RECK: variants seen among roughly 807,000 people sequenced by gnomAD.
RECK encodes reversion-inducing cysteine-rich protein with Kazal motifs.
A neutral mutation model predicts 115.1 loss-of-function variants in RECK; 69 were observed. The observed-to-expected ratio is 0.60, with a 90% CI of 0.49 to 0.73. The LOEUF is 0.73. Ranked by LOEUF, RECK falls within the 30% of genes least tolerant of loss-of-function variation. The pLI, the probability that RECK is intolerant of heterozygous loss-of-function variation, is 0.00. For synonymous variants in RECK, 414 were observed against 419.7 expected (o/e 0.99, Z 0.17); for missense variants, 1,047 against 1,203.7 (o/e 0.87, Z 1.93).
chr9:36,102,997 A>G (rs1439289004), intron 12 of RECK, among the ~76,000 whole-genome samples: 2 of 152,114 alleles, frequency 1.3e-5, no homozygotes, highest in African/African-American at 4.8e-5. Context: ...ATATGTAAAA[A>G]TGGAACTTAT....
At chr9:36,063,696 C>A in intron 4 of RECK, 99 bp from the exon 5 acceptor site, 2 of 1,075,210 alleles carry the variant, frequency 1.9e-6, no homozygotes, top group Non-Finnish European at 1.4e-6. Flanking sequence ...TTCTTATGGA[C>A]AGCTGCTTTG....
intron 2 of RECK, chr9:36,057,134 A>G (rs890369023): frequency 2.8e-5 from 9 of 326,672 alleles, no homozygotes; most frequent in Non-Finnish European, 3.9e-5. Context: ...AACCTTTGTC[A>G]GCTCATCAGC....
chr9:36,093,288 T>C (rs1306307495), intron 10 of RECK, among the ~76,000 whole-genome samples: 7 of 152,114 alleles, frequency 4.6e-5, no homozygotes, highest in Admixed American at 4.6e-4. Flanking sequence ...ATAATGTCCA[T>C]TATACAATCA....
chr9:36,091,040 G>GT (rs1554707709), intron 9 of RECK, 124 bp from the exon 10 acceptor site: 4 of 783,596 alleles, frequency 5.1e-6, no homozygotes, highest in South Asian at 5.0e-5. Flanking sequence ...TAGTCATTTG[G>GT]TTTTTTTACT....
chr9:36,088,516 A>G (rs1823047520), intron 9 of RECK, among the ~76,000 whole-genome samples: 1 of 152,250 alleles, frequency 6.6e-6, no homozygotes, highest in East Asian at 1.9e-4. Flanking sequence ...ATGGTAGAAC[A>G]CAGGTACAAT....
intron 6 of RECK, among the ~76,000 whole-genome samples, chr9:36,073,397 C>T (rs1235850619): frequency 1.3e-5 from 2 of 152,072 alleles, no homozygotes; most frequent in Non-Finnish European, 2.9e-5. Context: ...TTTCCTCTTT[C>T]TCATCACCTC....
Position 36,121,546 on chromosome 9 carries a change from A to C in RECK, c.2552A>C (p.Lys851Thr). The stretch of plus-strand genomic sequence containing the variant: ...TTCTCTTTCCAGGTAACAAATAAAA[A>C]GCCAATAACAGTTCTGGAAATACTT... ...LDTIAKVTNKKPITVLEILQK... is the reference protein window; with the variant it reads ...LDTIAKVTNKTPITVLEILQK... Residue 851 changes from lysine to threonine, a missense_variant, in exon 20 of 21, where the codon AAG (lysine) becomes ACG (threonine). Transcript: ENST00000377966. 6.2e-7 allele frequency: 1 copy of C among 1,612,936 alleles called. No homozygotes were observed. Among genetic ancestry groups the C allele is most frequent in the South Asian group, 1.1e-5 (1 of 90,814 alleles).
At chr9:36,073,221 GACACACACAGACACACACAGACACACAC>G (rs1822305223) in intron 6 of RECK, among the ~76,000 whole-genome samples, 1 of 134,170 alleles carries the variant, frequency 7.5e-6, no homozygotes, top group East Asian at 2.3e-4. Context: ...GCAACACACA[GACACACACAGACACACACAGACACACAC>G]ACACACACAC....
chr9:36,118,956 T>A lies in RECK; in HGVS notation c.2453T>A (p.Ile818Asn). The A allele has an allele frequency of 6.2e-7, 1 of 1,612,362 alleles. No individual in the cohort carries two copies. Among genetic ancestry groups the A allele is most frequent in the African/African-American group, 1.3e-5 (1 of 74,988 alleles). The change falls in exon 18 of 21, where the codon ATC (isoleucine) becomes AAC (asparagine). Residue 818 changes from isoleucine to asparagine, a missense_variant. By Grantham distance (149) the Ile-to-Asn change is moderately radical. Coordinates refer to ENST00000377966, the MANE Select transcript of RECK (RefSeq NM_021111.3). ...PSLLAAGCKPIIPPGACCPLC... is the reference protein window; with the variant it reads ...PSLLAAGCKPNIPPGACCPLC... ...CTCTTGGCAGCTGGATGCAAACCCA[T>A]CATCCCACCGGGTAGGCTGGCAGTA...
At chr9:36,111,165 G>A (rs1191631092) in intron 15 of RECK, among the ~76,000 whole-genome samples, 1 of 152,202 alleles carries the variant, frequency 6.6e-6, no homozygotes, top group Non-Finnish European at 1.5e-5. Context: ...TTCCTATAGT[G>A]TGTGGCCCCT....
rs56726335 is a variant in RECK at position 36,048,126 on chromosome 9, AATATATATATATATATATAT to A, written c.101-4124_101-4105del. The stretch of plus-strand genomic sequence containing the variant: ...TACACACGCACAGACACACAGGTTG[AATATATATATATATATATAT>A]ATATATATATATATGTAAAAACAGG... On this transcript the variant is annotated intron_variant, in intron 1 of 20. Transcript: ENST00000377966. 6.2e-4 allele frequency among the ~76,000 whole-genome samples: 72 copies of A among 115,376 alleles called. 3 individuals carry two copies. The South Asian group carries it at 0.018, about 28-fold the overall frequency. 75.7% of individuals were successfully genotyped at this position (115,376 alleles called of 152,430 possible).
intron 15 of RECK, among the ~76,000 whole-genome samples, chr9:36,110,520 TTC>T (rs1823999007): frequency 6.6e-6 from 1 of 152,334 alleles, no homozygotes; most frequent in South Asian, 2.1e-4. Flanking sequence ...GAATATTACT[TTC>T]TTGACTTTCC....
At chr9:36,074,669 G>C (rs896099853) in intron 6 of RECK, among the ~76,000 whole-genome samples, 1 of 152,110 alleles carries the variant, frequency 6.6e-6, no homozygotes, top group Non-Finnish European at 1.5e-5. Context: ...ATTATTCAAG[G>C]TTCTTTGTAA....
intron 6 of RECK, among the ~76,000 whole-genome samples, chr9:36,075,278 T>C (rs1377694165): frequency 6.6e-6 from 1 of 152,236 alleles, no homozygotes; most frequent in African/African-American, 2.4e-5. Flanking sequence ...TACTCTGTGC[T>C]AGGCTGTCTT....
chr9:36,095,339 T>G (rs1340697108), intron 10 of RECK, among the ~76,000 whole-genome samples: 1 of 152,350 alleles, frequency 6.6e-6, no homozygotes, highest in Non-Finnish European at 1.5e-5. Context: ...AAATTGAATT[T>G]GTAATTATAA....
rs79696927 is a variant in RECK, at chr9:36,050,622, G to A, written c.101-1643G>A. Among the ~76,000 whole-genome samples the A allele has an allele frequency of 7.8e-3, 1,192 of 152,148 alleles. 33 individuals carry two copies. The highest frequency in any genetic ancestry group is 0.061 in the East Asian group (317 of 5,176). ...GATTATGACATGCTGCTCAAAACCC[G>A]TGGGTGGTTTTCCATCCTTCTCAGA... On this transcript the variant is annotated intron_variant, in intron 1 of 20. Transcript: ENST00000377966.
chr9:36,119,642 G>A (rs1199220250), intron 18 of RECK, among the ~76,000 whole-genome samples: 1 of 152,122 alleles, frequency 6.6e-6, no homozygotes, highest in Non-Finnish European at 1.5e-5. Context: ...TTCACTATGT[G>A]CCAGACGCTC....
chr9:36,056,440 T>C (rs1255760121), intron 2 of RECK, among the ~76,000 whole-genome samples: 1 of 152,232 alleles, frequency 6.6e-6, no homozygotes, highest in Non-Finnish European at 1.5e-5. Context: ...ATTTATTTGA[T>C]GAATTAATTT....
At chr9:36,102,018 C>G in intron 11 of RECK, 76 bp from the exon 12 acceptor site, 1 of 1,408,478 alleles carries the variant, frequency 7.1e-7, no homozygotes, top group Non-Finnish European at 9.7e-7. Context: ...TGGAAAGCTT[C>G]AGAAACAAGT....
Sources: gnomAD v4.1 joint callset for allele counts (sites outside exome capture counted in the v4.1 genomes callset) on GRCh38, gnomAD v4.1.1 for gene constraint, MANE v1.5 for transcripts, NCBI Gene and HGNC (gene_info 2026-07-23, HGNC 2026-07-21) for gene names.